Variants in CEP162 observed in about 807,000 individuals in gnomAD.
CEP162 encodes centrosomal protein of 162 kDa.
In CEP162, 141 loss-of-function variants were observed where a neutral mutation model predicts 169.2. The ratio of observed to expected loss-of-function variants is 0.83; its 90% confidence interval spans 0.73 to 0.96. CEP162 has a LOEUF of 0.96. Ranked by LOEUF, CEP162 falls within the 40% of genes least tolerant of loss-of-function variation. The probability of loss-of-function intolerance (pLI) is 0.00; values close to 1 mark genes in which losing one functional copy is unlikely to be tolerated. For synonymous variants in CEP162, 540 were observed against 526.4 expected (o/e 1.03, Z -0.35); for missense variants, 1,600 against 1,587.2 (o/e 1.01, Z -0.14).
intron 25 of CEP162, among the ~76,000 whole-genome samples, chr6:84,143,703 G>C (rs1182105508): frequency 6.6e-6 from 1 of 151,932 alleles, no homozygotes; most frequent in Non-Finnish European, 1.5e-5. Flanking sequence ...TTTATTTTAA[G>C]AGTTTTAAAA....
At chr6:84,192,295 T>C (rs550428851) in intron 11 of CEP162, among the ~76,000 whole-genome samples, 4 of 152,356 alleles carry the variant, frequency 2.6e-5, no homozygotes, top group African/African-American at 9.6e-5. Context: ...AAAATATCTG[T>C]TTTAAGCTTT....
intron 6 of CEP162, among the ~76,000 whole-genome samples, chr6:84,204,814 A>G (rs536931145): frequency 6.6e-6 from 1 of 152,206 alleles, no homozygotes. Flanking sequence ...AAGATCAACA[A>G]AATTGATAGA....
intron 2 of CEP162, 88 bp from the exon 3 acceptor site, chr6:84,221,259 G>A (rs1404084190): frequency 4.1e-5 from 28 of 674,858 alleles, no homozygotes; most frequent in Admixed American, 2.4e-5. Context: ...CTATTAGTTC[G>A]CTCACAGTTC....
intron 13 of CEP162, among the ~76,000 whole-genome samples, chr6:84,183,295 C>T (rs749641162): frequency 5.9e-5 from 9 of 152,154 alleles, no homozygotes; most frequent in Non-Finnish European, 1.2e-4. Context: ...TTCTTTTTCA[C>T]TCACTGTGAC....
chr6:84,217,306 A>G (rs549296125), intron 3 of CEP162, among the ~76,000 whole-genome samples: 1 of 152,378 alleles, frequency 6.6e-6, no homozygotes, highest in South Asian at 2.1e-4. Flanking sequence ...AAAACAAGAA[A>G]GAGGAACAGA....
chr6:84,213,453 G>A lies in CEP162; in HGVS notation c.504-429C>T, dbSNP rs2099550323. Among the ~76,000 whole-genome samples the A allele has an allele frequency of 1.3e-5, 2 of 152,184 alleles. 1 individual carries two copies. The highest frequency in any genetic ancestry group is 4.1e-4 in the South Asian group (2 of 4,830). ...ACATGCTAATAAGCAATTTAATCCTGAAACAGAAGCTGAATAGGAGCCTTA... is the reference window on the plus strand; with the variant it reads ...ACATGCTAATAAGCAATTTAATCCTAAAACAGAAGCTGAATAGGAGCCTTA... On this transcript the variant is annotated intron_variant, in intron 5 of 26. Transcript: ENST00000403245.
In CEP162 at chr6:84,125,005, A is replaced by G. The variant is rs1261489721; in HGVS notation, c.*65T>C. On this transcript the variant is annotated 3_prime_UTR_variant, in exon 27 of 27. Coordinates refer to ENST00000403245, the MANE Select transcript of CEP162 (RefSeq NM_014895.4). The stretch of plus-strand genomic sequence containing the variant: ...CACTTGTTTTTCATAAGCTGTCCTG[A>G]CAGTGGCACAATCCCATCCATCTTC... 1.7e-6 allele frequency: 2 copies of G among 1,191,396 alleles called. No homozygotes were observed. Among genetic ancestry groups the G allele is most frequent in the Non-Finnish European group, 2.4e-6 (2 of 819,776 alleles). 73.8% of individuals were successfully genotyped at this position (1,191,396 alleles called of 1,614,324 possible).
chr6:84,184,893 A>C (rs1303149979), intron 13 of CEP162, among the ~76,000 whole-genome samples: 1 of 151,692 alleles, frequency 6.6e-6, no homozygotes, highest in East Asian at 1.9e-4. Context: ...TTTTCCCCCA[A>C]CTGTCAAATC....
chr6:84,158,006 A>C (rs56100600), intron 21 of CEP162, among the ~76,000 whole-genome samples: 16,234 of 152,264 alleles, frequency 0.11, 1,356 homozygotes, highest in African/African-American at 0.24. Flanking sequence ...TTCATTTAAT[A>C]TAAAAAACAA....
At chr6:84,169,230 A>G (rs1438641216) in intron 18 of CEP162, 98 bp downstream of exon 18, 1 of 695,886 alleles carries the variant, frequency 1.4e-6, no homozygotes, top group Non-Finnish European at 2.4e-6. Flanking sequence ...ATTTTTTAAT[A>G]CATTTCTATG....
intron 18 of CEP162, among the ~76,000 whole-genome samples, chr6:84,168,492 T>G (rs989715596): frequency 6.6e-6 from 1 of 152,182 alleles, no homozygotes; most frequent in African/African-American, 2.4e-5. Flanking sequence ...TACATAATAA[T>G]TGAAATAGAT....
chr6:84,206,650 A>G (rs1467410313), intron 6 of CEP162, among the ~76,000 whole-genome samples: 2 of 152,244 alleles, frequency 1.3e-5, no homozygotes. Context: ...CATTCAGGAC[A>G]TAGGCATGGG....
intron 11 of CEP162, among the ~76,000 whole-genome samples, chr6:84,190,139 CTG>C (rs1232383547): frequency 6.6e-6 from 1 of 152,164 alleles, no homozygotes; most frequent in Non-Finnish European, 1.5e-5. Flanking sequence ...AGTCAGCACC[CTG>C]TGTTTAGCTC....
rs756736064 is a variant in CEP162, at chr6:84,129,954, G to A, written c.3871-3442C>T. ...CTTGTCCTGTGCTGGTCTTCAAAGG[G>A]AATGCTTCCAGTTTTTGCCCATTCA... is the stretch of plus-strand genomic sequence containing the variant. On this transcript the variant is annotated intron_variant, in intron 25 of 26. Transcript: ENST00000403245. Among the ~76,000 whole-genome samples the A allele has an allele frequency of 2.0e-5, 3 of 152,244 alleles. No homozygotes were observed. The East Asian group carries it at 5.8e-4, about 29-fold the overall frequency.
chr6:84,154,382 A>G (rs1462733614), intron 22 of CEP162, among the ~76,000 whole-genome samples: 1 of 140,690 alleles, frequency 7.1e-6, no homozygotes, highest in South Asian at 2.4e-4. Flanking sequence ...CTATCTACCT[A>G]TCTATCTATC....
intron 7 of CEP162, 66 bp downstream of exon 7, chr6:84,203,915 T>C: frequency 1.2e-6 from 1 of 854,686 alleles, no homozygotes; most frequent in Non-Finnish European, 1.8e-6. Flanking sequence ...GCTCTTCATA[T>C]AGCAATAGGC....
chr6:84,189,396 G>A (rs571731167), intron 11 of CEP162, among the ~76,000 whole-genome samples: 3 of 152,330 alleles, frequency 2.0e-5, no homozygotes, highest in Admixed American at 2.0e-4. Context: ...AACCGGGGCT[G>A]CGTGCGGCGC....
chr6:84,212,003 A>C (rs1012129366), intron 6 of CEP162, among the ~76,000 whole-genome samples: 1 of 152,086 alleles, frequency 6.6e-6, no homozygotes, highest in South Asian at 2.1e-4. Context: ...AATAAGGTCA[A>C]AAGACAATAG....
intron 25 of CEP162, among the ~76,000 whole-genome samples, chr6:84,141,611 C>G (rs1205141510): frequency 1.3e-5 from 2 of 152,188 alleles, no homozygotes; most frequent in Non-Finnish European, 2.9e-5. Context: ...AAATGCCCAG[C>G]TGCCTACTAA....
Sources: allele counts gnomAD v4.1 joint callset (sites outside exome capture counted in the v4.1 genomes callset), GRCh38; gene constraint gnomAD v4.1.1; transcripts MANE v1.5; gene names NCBI Gene and HGNC (gene_info 2026-07-23, HGNC 2026-07-21).